The following HEPHL1 variants were observed in gnomAD, a reference collection of about 807,000 sequenced individuals.
The protein encoded by HEPHL1 is hephaestin like 1.
A neutral mutation model predicts 122.0 loss-of-function variants in HEPHL1; 123 were observed. The observed-to-expected ratio is 1.01, with a 90% CI of 0.87 to 1.17. HEPHL1 has a LOEUF of 1.17. Among genes scored for constraint, HEPHL1 ranks in the 50% most tolerant of loss-of-function variants. The pLI, the probability that HEPHL1 is intolerant of heterozygous loss-of-function variation, is 0.00. For missense variants in HEPHL1, 1,452 were observed against 1,430.5 expected (o/e 1.01, Z -0.24); for synonymous variants, 527 against 508.9 (o/e 1.04, Z -0.48).
At chr11:94,072,389 G>A (rs1946081661) in intron 6 of HEPHL1, among the ~76,000 whole-genome samples, 1 of 152,102 alleles carries the variant, frequency 6.6e-6, no homozygotes, top group Non-Finnish European at 1.5e-5. Flanking sequence ...ATTTTACAAA[G>A]TAAGGATGAA....
chr11:94,084,128 C>G (rs1165088323), intron 10 of HEPHL1, among the ~76,000 whole-genome samples: 1 of 151,978 alleles, frequency 6.6e-6, no homozygotes, highest in Non-Finnish European at 1.5e-5. Context: ...AGTTCAAGAC[C>G]AGCCTGGGCA....
intron 13 of HEPHL1, among the ~76,000 whole-genome samples, chr11:94,096,407 G>A (rs1277300724): frequency 6.6e-6 from 1 of 152,170 alleles, no homozygotes; most frequent in Admixed American, 6.5e-5. Context: ...TTGATGTGCT[G>A]CTGGATTCGT....
rs1258933492 is a variant in HEPHL1 at position 94,101,326 on chromosome 11, A to T, written c.2566A>T (p.Thr856Ser). The T allele has an allele frequency of 6.2e-7, 1 of 1,612,268 alleles. No homozygotes were observed. Among genetic ancestry groups the T allele is most frequent in the Non-Finnish European group, 8.5e-7 (1 of 1,178,966 alleles). Residue 856 changes from threonine (T) to serine (S), a missense_variant, in exon 14 of 20, where the codon ACA (threonine) becomes TCA (serine). Coordinates refer to ENST00000315765, the MANE Select transcript of HEPHL1 (RefSeq NM_001098672.2). ...TGGAAAGCAATTCCAAGTGCCCATG[A>T]CAAAACCAGGTAAGTTGTGTCAGAG... ...DSGKQFQVPM[T>S]KPGEVKTYRW...
intron 1 of HEPHL1, among the ~76,000 whole-genome samples, chr11:94,037,360 GCCCACCA>G (rs1945735496): frequency 6.6e-6 from 1 of 151,768 alleles, no homozygotes; most frequent in Non-Finnish European, 1.5e-5. Flanking sequence ...ACTGGGTGGA[GCCCACCA>G]CAGCTCAAGG....
At position 94,075,255 on chromosome 11, in the gene HEPHL1, C is replaced by T. The variant is rs1289542237; in HGVS notation, c.1586C>T (p.Thr529Ile). Residue 529 changes from threonine (T) to isoleucine (I), a missense_variant, in exon 9 of 20, where the codon ACT becomes ATT. Coordinates refer to ENST00000315765, the MANE Select transcript of HEPHL1 (RefSeq NM_001098672.2). The stretch of plus-strand genomic sequence containing the variant: ...ACAGTGCCTGAGAGCGTAAGCCCAA[C>T]TGCTGGTGATCCTCCCTGTCTGACC... ...KWTVPESVSPTAGDPPCLTYL... is the reference protein window; with the variant it reads ...KWTVPESVSPIAGDPPCLTYL... 1 of 1,613,412 alleles carries T rather than the reference C, an allele frequency of 6.2e-7. No individual in the cohort carries two copies. The highest frequency in any genetic ancestry group is 8.5e-7 in the Non-Finnish European group (1 of 1,179,656).
intron 1 of HEPHL1, among the ~76,000 whole-genome samples, chr11:94,035,249 C>T (rs1945710927): frequency 6.6e-6 from 1 of 152,214 alleles, no homozygotes; most frequent in Admixed American, 6.5e-5. Flanking sequence ...TCTTTTCCTA[C>T]AATTCTTAGC....
At chr11:94,047,148 A>G (rs1945847059) in intron 2 of HEPHL1, among the ~76,000 whole-genome samples, 1 of 152,250 alleles carries the variant, frequency 6.6e-6, no homozygotes, top group African/African-American at 2.4e-5. Context: ...GATGAGCACA[A>G]AAATTGTGCC....
intron 4 of HEPHL1, among the ~76,000 whole-genome samples, chr11:94,066,555 CAAAAGAAAA>C (rs374222046): frequency 0.01 from 1,499 of 147,894 alleles, 21 homozygotes; most frequent in African/African-American, 0.036. Flanking sequence ...GACTCCATCT[CAAAAGAAAA>C]AAAAGAGAGA....
At chr11:94,099,058 A>G (rs1192602701) in intron 13 of HEPHL1, among the ~76,000 whole-genome samples, 4 of 152,178 alleles carry the variant, frequency 2.6e-5, no homozygotes, top group Non-Finnish European at 5.9e-5. Context: ...GCTGGCTAGG[A>G]GCTGCGTTCC....
Position 94,075,159 on chromosome 11 carries a change from T to C in HEPHL1, c.1505-15T>C. 2 of 1,606,584 alleles carry C rather than the reference T, an allele frequency of 1.2e-6. No individual in the cohort carries two copies. Among genetic ancestry groups the C allele is most frequent in the Non-Finnish European group, 1.7e-6 (2 of 1,175,294 alleles). ...TGCCTGTTGTTTTGAATAATTGTTTTGTTTATATCCTCAGGATTTGTGAAA... is the reference window on the plus strand; with the variant it reads ...TGCCTGTTGTTTTGAATAATTGTTTCGTTTATATCCTCAGGATTTGTGAAA... On this transcript the variant is annotated splice_polypyrimidine_tract_variant and intron_variant, in intron 8 of 19. Coordinates refer to ENST00000315765, the MANE Select transcript of HEPHL1 (RefSeq NM_001098672.2).
chr11:94,028,467 T>C (rs1945645482), intron 1 of HEPHL1, among the ~76,000 whole-genome samples: 1 of 152,194 alleles, frequency 6.6e-6, no homozygotes, highest in African/African-American at 2.4e-5. Flanking sequence ...AGGTTTGTTC[T>C]GATAATGATT....
At chr11:94,062,673 C>T (rs892986973) in intron 2 of HEPHL1, among the ~76,000 whole-genome samples, 4 of 151,840 alleles carry the variant, frequency 2.6e-5, no homozygotes, top group African/African-American at 9.7e-5. Flanking sequence ...AGTCTAGCTC[C>T]TCCCGTCCTT....
intron 4 of HEPHL1, among the ~76,000 whole-genome samples, chr11:94,066,383 G>A (rs1034554673): frequency 6.6e-6 from 1 of 152,150 alleles, no homozygotes; most frequent in Admixed American, 6.5e-5. Context: ...GGCAAAACCT[G>A]TCTCTACTAA....
intron 15 of HEPHL1, among the ~76,000 whole-genome samples, chr11:94,103,401 G>C (rs1946384734): frequency 6.6e-6 from 1 of 151,750 alleles, no homozygotes; most frequent in African/African-American, 2.4e-5. Context: ...AGCAAAAGAG[G>C]ATATGTAAAT....
chr11:94,027,192 C>A (rs2134402385), intron 1 of HEPHL1, among the ~76,000 whole-genome samples: 1 of 152,278 alleles, frequency 6.6e-6, no homozygotes, highest in African/African-American at 2.4e-5. Context: ...CCTATCTTTG[C>A]CTCTTACTTA....
chr11:94,096,355 A>T (rs1946313464), intron 13 of HEPHL1, among the ~76,000 whole-genome samples: 1 of 152,220 alleles, frequency 6.6e-6, no homozygotes, highest in South Asian at 2.1e-4. Flanking sequence ...CCAGTCTTGC[A>T]TCCCAGGGAT....
intron 2 of HEPHL1, among the ~76,000 whole-genome samples, chr11:94,053,430 AT>A (rs1046327184): frequency 1.3e-5 from 2 of 149,810 alleles, no homozygotes; most frequent in African/African-American, 2.5e-5. Flanking sequence ...TCTATTTTGT[AT>A]TTTTTTTCTG....
At chr11:94,092,933 G>A (rs556998315) in intron 12 of HEPHL1, among the ~76,000 whole-genome samples, 59 of 151,974 alleles carry the variant, frequency 3.9e-4, no homozygotes, top group Admixed American at 1.1e-3. Context: ...ACATAACTAG[G>A]GTGAATAACA....
chr11:94,033,335 C>A (rs2134406160), intron 1 of HEPHL1, among the ~76,000 whole-genome samples: 1 of 152,274 alleles, frequency 6.6e-6, no homozygotes, highest in African/African-American at 2.4e-5. Flanking sequence ...TTTCTGAGAG[C>A]AGCTGGGTCT....
Sources: allele counts gnomAD v4.1 joint callset (sites outside exome capture counted in the v4.1 genomes callset), GRCh38; gene constraint gnomAD v4.1.1; transcripts MANE v1.5; gene names NCBI Gene and HGNC (gene_info 2026-07-23, HGNC 2026-07-21).